CSMD3: variants seen among roughly 807,000 people sequenced by gnomAD.
CSMD3 encodes CUB and sushi domain-containing protein 3.
CSMD3 carries 177 observed loss-of-function variants against 435.2 expected under a neutral mutation model. That is an observed-to-expected ratio of 0.41 (90% confidence interval 0.36 to 0.46). The LOEUF (loss-of-function observed/expected upper bound fraction) is 0.46. Ranked by LOEUF, CSMD3 falls within the 20% of genes least tolerant of loss-of-function variation. The probability of loss-of-function intolerance (pLI) is 0.34; values close to 1 mark genes in which losing one functional copy is unlikely to be tolerated. For synonymous variants in CSMD3, 1,656 were observed against 1,520.5 expected, an observed-to-expected ratio of 1.09 and a Z score of -2.07; for missense variants, 4,265 against 4,504.6, an observed-to-expected ratio of 0.95 and a Z score of 1.52.
chr8:113,212,190 C>T (rs186924900), intron 3 of CSMD3, among the ~76,000 whole-genome samples: 1 of 152,100 alleles, frequency 6.6e-6, no homozygotes, highest in Admixed American at 6.6e-5. Context: ...ATAAGAAAAG[C>T]ACATTATAGG....
intron 59 of CSMD3, among the ~76,000 whole-genome samples, chr8:112,268,043 A>T (rs1817115942): frequency 6.6e-6 from 1 of 152,174 alleles, no homozygotes; most frequent in African/African-American, 2.4e-5. Context: ...CAAATTCAGA[A>T]ATACCATTGC....
chr8:112,807,662 A>T (rs2079124755), intron 12 of CSMD3, among the ~76,000 whole-genome samples: 1 of 152,170 alleles, frequency 6.6e-6, no homozygotes, highest in Non-Finnish European at 1.5e-5. Flanking sequence ...GAAGCTGTAC[A>T]ACTGTCCTGT....
In CSMD3 at chr8:112,897,694, C is replaced by CTGTGTGTG. The variant is rs375797134; in HGVS notation, c.1633+23925_1633+23932dup. Among the ~76,000 whole-genome samples, 53 of 91,032 alleles carry CTGTGTGTG rather than the reference C, an allele frequency of 5.8e-4. 1 individual carries two copies. Among genetic ancestry groups the CTGTGTGTG allele is most frequent in the African/African-American group, 2.1e-3 (48 of 22,822 alleles). The allele number at this position is 91,032 out of a possible 152,430, so 59.7% of individuals were successfully genotyped here. A position where few individuals can be genotyped will look rare whatever the true frequency, so the allele number is the denominator to read the frequency against. The stretch of plus-strand genomic sequence containing the variant: ...TCTCTCTCTCTCTCTCTCTCTCTCT[C>CTGTGTGTG]TGTGTGTGTGTGTGTGTGTGTGTGT... On this transcript the variant is annotated intron_variant, in intron 10 of 70. Transcript: ENST00000297405.
At chr8:113,357,262 G>A (rs940928495) in intron 1 of CSMD3, among the ~76,000 whole-genome samples, 2 of 152,168 alleles carry the variant, frequency 1.3e-5, no homozygotes, top group Non-Finnish European at 2.9e-5. Flanking sequence ...ACTTCTGTGA[G>A]CTGGTTGTGT....
At chr8:113,069,002 T>C (rs920942544) in intron 5 of CSMD3, among the ~76,000 whole-genome samples, 1 of 148,350 alleles carries the variant, frequency 6.7e-6, no homozygotes, top group African/African-American at 2.5e-5. Flanking sequence ...TACTAGGGAG[T>C]TAAGCAACTT....
chr8:113,250,903 A>G (rs1456058419), intron 3 of CSMD3, among the ~76,000 whole-genome samples: 1 of 152,110 alleles, frequency 6.6e-6, no homozygotes, highest in Non-Finnish European at 1.5e-5. Context: ...TATGAATAGA[A>G]TTGGGCATTC....
chr8:112,284,708 T>G (rs1586651731), intron 58 of CSMD3, among the ~76,000 whole-genome samples: 1 of 151,926 alleles, frequency 6.6e-6, no homozygotes, highest in East Asian at 1.9e-4. Flanking sequence ...TTCTCTTTAA[T>G]ATTTCTATTT....
intron 53 of CSMD3, among the ~76,000 whole-genome samples, chr8:112,298,094 G>GACCCAAA (rs1820517794): frequency 1.0e-5 from 1 of 95,572 alleles, no homozygotes; most frequent in Admixed American, 1.1e-4. Context: ...AAAAAAATAA[G>GACCCAAA]TAAAGACCCA....
At chr8:112,935,171 G>C (rs561247376) in intron 9 of CSMD3, among the ~76,000 whole-genome samples, 1 of 152,054 alleles carries the variant, frequency 6.6e-6, no homozygotes, top group Admixed American at 6.6e-5. Flanking sequence ...TTCTTACGGC[G>C]TGTTCTTGGC....
chr8:112,961,869 C>T (rs985401256), intron 7 of CSMD3, among the ~76,000 whole-genome samples: 5 of 151,956 alleles, frequency 3.3e-5, no homozygotes, highest in East Asian at 3.9e-4. Flanking sequence ...CAATGCTTGG[C>T]GTAACAGGTC....
At chr8:112,830,874 C>T (rs935126542) in intron 11 of CSMD3, among the ~76,000 whole-genome samples, 1 of 151,414 alleles carries the variant, frequency 6.6e-6, no homozygotes, top group Non-Finnish European at 1.5e-5. Flanking sequence ...GCCAGCTCCG[C>T]CTCCTGGGTT....
chr8:113,431,985 C>T (rs531406938), intron 1 of CSMD3, among the ~76,000 whole-genome samples: 2 of 152,096 alleles, frequency 1.3e-5, no homozygotes, highest in South Asian at 2.1e-4. Flanking sequence ...TGGAACGAAG[C>T]CTTTGCTCCT....
At chr8:112,301,771 A>G in intron 53 of CSMD3, 22 bp downstream of exon 53, 1 of 1,606,596 alleles carries the variant, frequency 6.2e-7, no homozygotes, top group African/African-American at 1.3e-5. Context: ...AAGTTTGACA[A>G]AAACAAATTA....
chr8:112,251,150 T>C (rs532561466), intron 63 of CSMD3, among the ~76,000 whole-genome samples: 1 of 151,918 alleles, frequency 6.6e-6, no homozygotes, highest in African/African-American at 2.4e-5. Context: ...GTATCCAGCA[T>C]GGGTCTTAAG....
At chr8:113,168,570 A>G (rs971769915) in intron 4 of CSMD3, among the ~76,000 whole-genome samples, 1 of 148,644 alleles carries the variant, frequency 6.7e-6, no homozygotes. Flanking sequence ...GCTACAAAAA[A>G]TGCTAAAAAA....
At chr8:113,256,701 G>A (rs190364332) in intron 3 of CSMD3, among the ~76,000 whole-genome samples, 21 of 152,310 alleles carry the variant, frequency 1.4e-4, no homozygotes, top group Admixed American at 1.3e-3. Context: ...GAGTAGGATA[G>A]TTTGGCTGCA....
At chr8:113,278,345 C>T (rs2093587434) in intron 3 of CSMD3, among the ~76,000 whole-genome samples, 1 of 151,834 alleles carries the variant, frequency 6.6e-6, no homozygotes, top group South Asian at 2.1e-4. Flanking sequence ...ATTACTCTCA[C>T]ATTTAATTCC....
At chr8:113,142,252 T>C (rs1439895619) in intron 4 of CSMD3, among the ~76,000 whole-genome samples, 1 of 151,264 alleles carries the variant, frequency 6.6e-6, no homozygotes, top group Non-Finnish European at 1.5e-5. Context: ...GTTTTTATTA[T>C]AGACATAGAC....
chr8:112,394,581 G>A (rs144381196), intron 35 of CSMD3, among the ~76,000 whole-genome samples: 10 of 152,134 alleles, frequency 6.6e-5, no homozygotes, highest in African/African-American at 1.9e-4. Flanking sequence ...GCTTGAACAC[G>A]TCAAGATCTC....
Sources: gnomAD v4.1 joint callset for allele counts (sites outside exome capture counted in the v4.1 genomes callset) on GRCh38, gnomAD v4.1.1 for gene constraint, MANE v1.5 for transcripts, NCBI Gene and HGNC (gene_info 2026-07-23, HGNC 2026-07-21) for gene names.